CASD1: variants seen among roughly 807,000 people sequenced by gnomAD.
The protein encoded by CASD1 is CAS1 domain sialic acid O acetyltransferase 1, also known as N-acetylneuraminate (7)9-O-acetyltransferase.
CASD1 carries 41 observed loss-of-function variants against 100.0 expected under a neutral mutation model. That is an observed-to-expected ratio of 0.41 (90% confidence interval 0.32 to 0.53). The LOEUF is 0.53. Ranked by LOEUF, CASD1 falls within the 20% of genes least tolerant of loss-of-function variation. The probability of loss-of-function intolerance (pLI) is 0.25; values close to 1 mark genes in which losing one functional copy is unlikely to be tolerated. For missense variants in CASD1, 774 were observed against 948.7 expected (o/e 0.82, Z 2.42); for synonymous variants, 321 against 315.6 (o/e 1.02, Z -0.18).
the CASD1 span, among the ~76,000 whole-genome samples, chr7:94,597,034 C>T: frequency 6.6e-6 from 1 of 152,050 alleles, no homozygotes; most frequent in Non-Finnish European, 1.5e-5. Flanking sequence ...ACCAATTTTT[C>T]TCATCAGTAT....
chr7:94,552,332 A>G lies in CASD1; in HGVS notation c.1957-18A>G, dbSNP rs767257259. ...CAGACTTGCTTTTTTGAACTTTTCC[A>G]TACATTTTTTGTTTTAGACCTATTC... is the stretch of plus-strand genomic sequence containing the variant. On this transcript the variant is annotated intron_variant, in intron 15 of 17. Transcript: ENST00000297273. 14 of 1,595,574 alleles carry G rather than the reference A, an allele frequency of 8.8e-6. No homozygotes were observed. In the South Asian group the frequency reaches 9.1e-5, roughly 10 times the overall value.
At chr7:94,586,818 T>G in the CASD1 span, 1 of 985,158 alleles carries the variant, frequency 1.0e-6, no homozygotes, top group Non-Finnish European at 1.2e-6. Context: ...TAGTTTTAAA[T>G]GTACCAGAGG....
In CASD1 at chr7:94,509,930, C is replaced by T. The variant is rs1793601021; in HGVS notation, c.-155C>T. On this transcript the variant is annotated 5_prime_UTR_variant, in exon 1 of 18. Transcript: ENST00000297273. ...CAGGCGGAGGTCGGGGGCGCCGCGGCCGCGGGGTCAGGTTCCCCGGCGGGA... is the reference window on the plus strand; with the variant it reads ...CAGGCGGAGGTCGGGGGCGCCGCGGTCGCGGGGTCAGGTTCCCCGGCGGGA... 1 of 1,164,358 alleles carries T rather than the reference C, an allele frequency of 8.6e-7. No individual in the cohort carries two copies. Among genetic ancestry groups the T allele is most frequent in the Non-Finnish European group, 1.1e-6 (1 of 939,602 alleles). 72.1% of individuals were successfully genotyped at this position (1,164,358 alleles called of 1,614,324 possible).
the CASD1 span, chr7:94,589,461 T>G: frequency 6.5e-6 from 1 of 152,684 alleles, no homozygotes; most frequent in Non-Finnish European, 1.5e-5. Flanking sequence ...TAATCCACTC[T>G]GCACATTGCT....
chr7:94,590,692 A>G, the CASD1 span: 1 of 152,154 alleles, frequency 6.6e-6, no homozygotes, highest in Non-Finnish European at 1.5e-5. Flanking sequence ...GTGATGTACA[A>G]AAGAGATAAA....
At chr7:94,623,440 T>G in the CASD1 span, 167,598 of 1,238,746 alleles carry the variant, frequency 0.14, 13,169 homozygotes, top group South Asian at 0.24. Context: ...GAAATGTTCT[T>G]TGTAAAATGA....
intron 3 of CASD1, among the ~76,000 whole-genome samples, chr7:94,522,566 C>G (rs2116231007): frequency 6.6e-6 from 1 of 152,288 alleles, no homozygotes; most frequent in South Asian, 2.1e-4. Flanking sequence ...ATGCTTGATT[C>G]TGTAAGCTTA....
chr7:94,603,472 T>A, the CASD1 span: 3 of 1,610,212 alleles, frequency 1.9e-6, no homozygotes, highest in Non-Finnish European at 2.5e-6. Context: ...TGTGAAACTC[T>A]CAGGTTATCC....
chr7:94,548,567 A>G (rs917528799), intron 13 of CASD1, among the ~76,000 whole-genome samples: 1 of 151,790 alleles, frequency 6.6e-6, no homozygotes, highest in African/African-American at 2.4e-5. Context: ...TTAATATGCT[A>G]TGTGCATTTT....
chr7:94,590,271 T>C, the CASD1 span, among the ~76,000 whole-genome samples: 1 of 152,184 alleles, frequency 6.6e-6, no homozygotes, highest in Non-Finnish European at 1.5e-5. Flanking sequence ...TAACATATTA[T>C]TTTTAATTAA....
At chr7:94,592,098 A>G in the CASD1 span, among the ~76,000 whole-genome samples, 1 of 152,236 alleles carries the variant, frequency 6.6e-6, no homozygotes, top group Non-Finnish European at 1.5e-5. Flanking sequence ...TGAGTCTCCA[A>G]GATGTGTGCA....
At chr7:94,524,420 G>C (rs1049706644) in intron 3 of CASD1, 1 of 152,090 alleles carries the variant, frequency 6.6e-6, no homozygotes, top group Non-Finnish European at 1.5e-5. Flanking sequence ...TTTTACTGAA[G>C]TGGAAGTGAG....
the CASD1 span, among the ~76,000 whole-genome samples, chr7:94,570,305 AC>A: frequency 2.6e-5 from 4 of 151,518 alleles, no homozygotes; most frequent in Admixed American, 1.3e-4. Flanking sequence ...CTTTTTGTGT[AC>A]CTTCTATAAT....
chr7:94,537,951 G>T, intron 9 of CASD1, 57 bp downstream of exon 9: 1 of 942,928 alleles, frequency 1.1e-6, no homozygotes. Context: ...TACATACTCT[G>T]TGTTAAAGAA....
At chr7:94,562,812 C>T in the CASD1 span, among the ~76,000 whole-genome samples, 3 of 152,144 alleles carry the variant, frequency 2.0e-5, no homozygotes, top group Admixed American at 1.3e-4. Flanking sequence ...ATGCTTCTTA[C>T]TGCCATGTCA....
chr7:94,576,440 G>C, the CASD1 span, among the ~76,000 whole-genome samples: 1 of 152,168 alleles, frequency 6.6e-6, no homozygotes, highest in South Asian at 2.1e-4. Context: ...TGTATTTATG[G>C]TATTTATTGT....
At chr7:94,595,981 A>T in the CASD1 span, among the ~76,000 whole-genome samples, 1 of 152,168 alleles carries the variant, frequency 6.6e-6, no homozygotes, top group South Asian at 2.1e-4. Flanking sequence ...CATTGTGAAC[A>T]TCATCAATTA....
chr7:94,632,467 C>T, the CASD1 span, among the ~76,000 whole-genome samples: 1 of 152,116 alleles, frequency 6.6e-6, no homozygotes, highest in Non-Finnish European at 1.5e-5. Flanking sequence ...TGCCTTTCAG[C>T]AATCTGCTGA....
At chr7:94,535,242 G>A in intron 7 of CASD1, 67 bp from the exon 8 acceptor site, 2 of 1,168,854 alleles carry the variant, frequency 1.7e-6, no homozygotes, top group Admixed American at 3.5e-5. Flanking sequence ...CAGCTAACTT[G>A]CATGATCACA....
Sources: allele counts gnomAD v4.1 joint callset (sites outside exome capture counted in the v4.1 genomes callset), GRCh38; gene constraint gnomAD v4.1.1; transcripts MANE v1.5; gene names NCBI Gene and HGNC (gene_info 2026-07-23, HGNC 2026-07-21).